OVCH1: variants seen among roughly 807,000 people sequenced by gnomAD.
OVCH1 encodes ovochymase 1, also known as ovochymase-1.
A neutral mutation model predicts 138.4 loss-of-function variants in OVCH1; 139 were observed. The ratio of observed to expected loss-of-function variants is 1.00; its 90% CI spans 0.87 to 1.16. The LOEUF is 1.16. Among genes scored for constraint, OVCH1 ranks in the 50% most tolerant of loss-of-function variants. The pLI, the probability that OVCH1 is intolerant of heterozygous loss-of-function variation, is 0.00. For missense variants in OVCH1, 1,367 were observed against 1,357.9 expected (o/e 1.01, Z -0.11); for synonymous variants, 453 against 467.8 (o/e 0.97, Z 0.41).
chr12:29,433,104 G>A (rs1941298281), intron 27 of OVCH1, among the ~76,000 whole-genome samples: 1 of 152,100 alleles, frequency 6.6e-6, no homozygotes, highest in South Asian at 2.1e-4. Context: ...GTCCTCCATC[G>A]AAGTAAACAA....
intron 21 of OVCH1, 56 bp from the exon 22 acceptor site, chr12:29,451,625 C>A: frequency 7.2e-7 from 1 of 1,383,172 alleles, no homozygotes; most frequent in Middle Eastern, 1.8e-4. Flanking sequence ...CAAAGAAAAA[C>A]CAGATTCTAT....
chr12:29,411,255 C>T (rs1940951269), downstream of OVCH1, among the ~76,000 whole-genome samples: 1 of 139,684 alleles, frequency 7.2e-6, no homozygotes, highest in African/African-American at 2.5e-5. Flanking sequence ...GTTTGAATTT[C>T]CTCCTGTAGC....
chr12:29,459,891 C>T (rs1942074865), intron 19 of OVCH1, among the ~76,000 whole-genome samples: 1 of 152,164 alleles, frequency 6.6e-6, no homozygotes, highest in African/African-American at 2.4e-5. Flanking sequence ...TATTATTATT[C>T]CCACCTTCCT....
chr12:29,464,530 G>C, exon 18 of OVCH1: 1 of 1,613,358 alleles, frequency 6.2e-7, no homozygotes. Context: ...TCCCCATCCG[G>C]TCACAGCACA....
At chr12:29,472,603 T>A (rs1333502875) in intron 15 of OVCH1, among the ~76,000 whole-genome samples, 1 of 152,182 alleles carries the variant, frequency 6.6e-6, no homozygotes, top group Non-Finnish European at 1.5e-5. Context: ...GTCCATCAAC[T>A]TGAACATATT....
intron 3 of OVCH1, 45 bp from the exon 4 acceptor site, chr12:29,495,502 G>A (rs761088447): frequency 6.5e-6 from 10 of 1,535,122 alleles, no homozygotes; most frequent in African/African-American, 1.4e-5. Context: ...TTTCCCCTAC[G>A]CAAGTCTTCT....
downstream of OVCH1, chr12:29,423,005 A>C (rs1200403565): frequency 4.1e-6 from 1 of 242,114 alleles, no homozygotes; most frequent in Non-Finnish European, 8.3e-6. Flanking sequence ...TTTGAAATGA[A>C]GATATCCTTT....
exon 21 of OVCH1, chr12:29,454,874 G>A: frequency 1.2e-6 from 2 of 1,612,792 alleles, no homozygotes; most frequent in African/African-American, 1.3e-5. Flanking sequence ...GAAGGTGTGG[G>A]TGGTGGCAAT....
At chr12:29,429,311 A>T (rs1941230249) in intron 27 of OVCH1, among the ~76,000 whole-genome samples, 1 of 152,226 alleles carries the variant, frequency 6.6e-6, no homozygotes, top group South Asian at 2.1e-4. Flanking sequence ...TTTTGTACTA[A>T]AAAGTCAAGA....
chr12:29,419,227 CTT>C (rs1565561894), intron 3 of OVCH1, among the ~76,000 whole-genome samples: 1 of 151,966 alleles, frequency 6.6e-6, no homozygotes, highest in South Asian at 2.1e-4. Flanking sequence ...CTCTTAATAA[CTT>C]TAATCCCTGA....
chr12:29,428,825 G>A (rs781507156), intron 27 of OVCH1, among the ~76,000 whole-genome samples: 9 of 152,210 alleles, frequency 5.9e-5, no homozygotes, highest in Non-Finnish European at 1.3e-4. Flanking sequence ...GGAAACTAGA[G>A]AAGTTGATGC....
chr12:29,441,148 AC>A (rs1941474961), intron 25 of OVCH1, among the ~76,000 whole-genome samples: 1 of 151,622 alleles, frequency 6.6e-6, no homozygotes, highest in African/African-American at 2.4e-5. Context: ...TGGGTTGACA[AC>A]CCGCATTGCC....
chr12:29,472,906 T>C (rs1942562639), intron 15 of OVCH1, 123 bp downstream of exon 15: 1 of 814,432 alleles, frequency 1.2e-6, no homozygotes, highest in Non-Finnish European at 1.9e-6. Flanking sequence ...TGGACCTAAA[T>C]ATAAGACTCA....
chr12:29,463,038 T>TATTAGGG (rs1942191961), intron 18 of OVCH1, among the ~76,000 whole-genome samples: 3 of 152,110 alleles, frequency 2.0e-5, no homozygotes, highest in Non-Finnish European at 4.4e-5. Flanking sequence ...AAGTCAAAGG[T>TATTAGGG]ATTAGAGAGC....
chr12:29,408,794 C>G (rs1304681519), downstream of OVCH1, among the ~76,000 whole-genome samples: 1 of 150,170 alleles, frequency 6.7e-6, no homozygotes, highest in Non-Finnish European at 1.5e-5. Context: ...CTCTGCCAGG[C>G]TTTGGTATCA....
At chr12:29,463,896 T>TAAG (rs1459704831) in intron 18 of OVCH1, among the ~76,000 whole-genome samples, 1 of 152,180 alleles carries the variant, frequency 6.6e-6, no homozygotes, top group Non-Finnish European at 1.5e-5. Flanking sequence ...TTGTATGGTA[T>TAAG]AAGAAGCACA....
chr12:29,480,862 T>G (rs1056618713), intron 8 of OVCH1, among the ~76,000 whole-genome samples: 2 of 152,210 alleles, frequency 1.3e-5, no homozygotes, highest in Non-Finnish European at 1.5e-5. Context: ...CTACTCAGCA[T>G]GCTGAAGAAG....
intron 22 of OVCH1, among the ~76,000 whole-genome samples, chr12:29,449,377 T>A (rs1357506176): frequency 6.6e-6 from 1 of 151,974 alleles, no homozygotes; most frequent in Non-Finnish European, 1.5e-5. Context: ...GTTAAGGATT[T>A]TTTTTTTCTA....
the OVCH1 span, among the ~76,000 whole-genome samples, chr12:29,404,612 A>G: frequency 6.6e-6 from 1 of 152,164 alleles, no homozygotes; most frequent in South Asian, 2.1e-4. Flanking sequence ...GAAACTTTCA[A>G]GCATCTATAT....
Sources: gnomAD v4.1 joint callset for allele counts (sites outside exome capture counted in the v4.1 genomes callset) on GRCh38, gnomAD v4.1.1 for gene constraint, MANE v1.5 for transcripts, NCBI Gene and HGNC (gene_info 2026-07-23, HGNC 2026-07-21) for gene names.